EPHA4: variants seen among roughly 807,000 people sequenced by gnomAD.
The protein encoded by EPHA4 is EPH receptor A4.
A neutral mutation model predicts 108.3 loss-of-function variants in EPHA4; 19 were observed. The observed-to-expected ratio is 0.18, with a 90% CI of 0.12 to 0.26. The LOEUF is 0.26. EPHA4 is among the 10% of genes least tolerant of loss of function. EPHA4 has a pLI of 1.00. For missense variants in EPHA4, 917 were observed against 1,254.0 expected (o/e 0.73, Z 4.06); for synonymous variants, 449 against 455.5 (o/e 0.99, Z 0.18).
At chr2:221,555,987 T>A (rs944238455) in intron 3 of EPHA4, among the ~76,000 whole-genome samples, 2 of 152,224 alleles carry the variant, frequency 1.3e-5, no homozygotes, top group African/African-American at 4.8e-5. Context: ...AAGTGCAGTC[T>A]GTGTTACCTT....
At chr2:221,472,444 C>G (rs1691517466) in intron 5 of EPHA4, among the ~76,000 whole-genome samples, 1 of 151,990 alleles carries the variant, frequency 6.6e-6, no homozygotes, top group African/African-American at 2.4e-5. Flanking sequence ...GGATCTTACC[C>G]AAGCTTGGAA....
chr2:221,534,879 A>C (rs1693619788), intron 3 of EPHA4, among the ~76,000 whole-genome samples: 1 of 152,204 alleles, frequency 6.6e-6, no homozygotes, highest in African/African-American at 2.4e-5. Flanking sequence ...GAGCATCTAC[A>C]TGATTTAACT....
chr2:221,436,748 C>A (rs1226898052), intron 12 of EPHA4, 140 bp from the exon 13 acceptor site: 10 of 911,142 alleles, frequency 1.1e-5, no homozygotes, highest in Non-Finnish European at 1.5e-5. Context: ...GCCTTTCTGA[C>A]CAAAGTCGCT....
At chr2:221,556,552 C>T (rs1694307104) in intron 3 of EPHA4, among the ~76,000 whole-genome samples, 1 of 151,258 alleles carries the variant, frequency 6.6e-6, no homozygotes, top group African/African-American at 2.4e-5. Flanking sequence ...CCACCTGCCT[C>T]AGCCTCCCAA....
At chr2:221,504,419 G>C (rs188797389) in intron 3 of EPHA4, among the ~76,000 whole-genome samples, 221 of 152,204 alleles carry the variant, frequency 1.5e-3, no homozygotes, top group Non-Finnish European at 2.7e-3. Flanking sequence ...CCATAACAAA[G>C]TCGAATTTTA....
intron 13 of EPHA4, among the ~76,000 whole-genome samples, chr2:221,435,027 G>A (rs1690187356): frequency 6.6e-6 from 1 of 152,130 alleles, no homozygotes; most frequent in Admixed American, 6.5e-5. Flanking sequence ...TTTCAGTCAG[G>A]TTTTCAATGT....
At chr2:221,566,228 TG>T (rs1237346625) in intron 2 of EPHA4, among the ~76,000 whole-genome samples, 8 of 152,134 alleles carry the variant, frequency 5.3e-5, no homozygotes, top group East Asian at 1.9e-4. Flanking sequence ...CAAATCAAGT[TG>T]TTTTTTTTTC....
chr2:221,553,272 A>T (rs1574655200), intron 3 of EPHA4, among the ~76,000 whole-genome samples: 1 of 152,260 alleles, frequency 6.6e-6, no homozygotes, highest in African/African-American at 2.4e-5. Context: ...GGGGATAGTT[A>T]GTTGCGAACG....
At chr2:221,439,491 CT>C (rs1175226553) in intron 11 of EPHA4, among the ~76,000 whole-genome samples, 291 of 143,288 alleles carry the variant, frequency 2.0e-3, no homozygotes, top group Middle Eastern at 3.6e-3. Flanking sequence ...CTTTTCTTTT[CT>C]TTTTTTTTTT....
chr2:221,485,159 A>C (rs1221475667), intron 4 of EPHA4, among the ~76,000 whole-genome samples: 3 of 152,210 alleles, frequency 2.0e-5, no homozygotes, highest in African/African-American at 7.2e-5. Context: ...TGAATCAAGC[A>C]CCACAGAAGC....
rs1300672953 is a variant in EPHA4 at position 221,499,744 on chromosome 2, ATATATATATATATTTTTTTTT to A, written c.979+1252_979+1272del. 7.1e-3 allele frequency among the ~76,000 whole-genome samples: 401 copies of A among 56,366 alleles called. 10 individuals carry two copies. The highest frequency in any genetic ancestry group is 0.036 in the African/African-American group (377 of 10,544). 37.0% of individuals were successfully genotyped at this position (56,366 alleles called of 152,430 possible). A position where few individuals can be genotyped will look rare whatever the true frequency, so the allele number is the denominator to read the frequency against. On this transcript the variant is annotated intron_variant, in intron 4 of 17. Coordinates refer to ENST00000281821, the MANE Select transcript of EPHA4 (RefSeq NM_004438.5). ...TATATATATATATATATATATATAT[ATATATATATATATTTTTTTTT>A]TTTTTTTTTGAGACAGAGTTTTGCT...
chr2:221,489,904 A>T (rs1442688671), intron 4 of EPHA4, among the ~76,000 whole-genome samples: 2 of 152,158 alleles, frequency 1.3e-5, no homozygotes, highest in East Asian at 3.9e-4. Flanking sequence ...GAACTTTGGG[A>T]GGCCATGGTA....
At chr2:221,459,288 GCACA>G (rs762674416) in intron 5 of EPHA4, among the ~76,000 whole-genome samples, 8 of 140,044 alleles carry the variant, frequency 5.7e-5, no homozygotes, top group African/African-American at 1.8e-4. Context: ...GGTAACAGGC[GCACA>G]CACACACACA....
At chr2:221,447,532 G>A (rs1029303618) in intron 8 of EPHA4, among the ~76,000 whole-genome samples, 8 of 152,120 alleles carry the variant, frequency 5.3e-5, no homozygotes, top group Non-Finnish European at 2.9e-5. Context: ...TCTCCTAATT[G>A]TCAGCAGCGC....
intron 3 of EPHA4, among the ~76,000 whole-genome samples, chr2:221,519,917 G>T (rs977400656): frequency 6.6e-6 from 1 of 151,568 alleles, no homozygotes; most frequent in Non-Finnish European, 1.5e-5. Flanking sequence ...TCCTAGCCTC[G>T]CCCTTTCTCT....
intron 3 of EPHA4, among the ~76,000 whole-genome samples, chr2:221,526,313 A>G (rs561563441): frequency 3.9e-5 from 6 of 152,304 alleles, no homozygotes; most frequent in African/African-American, 1.4e-4. Flanking sequence ...TAAGCTACGG[A>G]AACTGGGGCA....
intron 3 of EPHA4, among the ~76,000 whole-genome samples, chr2:221,556,083 C>A: frequency 6.6e-6 from 1 of 152,144 alleles, no homozygotes; most frequent in East Asian, 1.9e-4. Context: ...ATTTTATACT[C>A]TCAAAAATTA....
intron 4 of EPHA4, among the ~76,000 whole-genome samples, chr2:221,499,648 T>C (rs1244861565): frequency 1.4e-5 from 2 of 143,830 alleles, no homozygotes; most frequent in Non-Finnish European, 3.0e-5. Context: ...TAGCTCCAGA[T>C]TGGCCAAAAT....
In EPHA4 at chr2:221,443,858, A is replaced by T. The variant is rs552769132; in HGVS notation, c.1775-252T>A. ...ACTTCAAGGACAAGATTTTTAAAACAACCCATCCCATGGAGGAAATTTGAA... is the reference window on the plus strand; with the variant it reads ...ACTTCAAGGACAAGATTTTTAAAACTACCCATCCCATGGAGGAAATTTGAA... On this transcript the variant is annotated intron_variant, in intron 9 of 17. Coordinates refer to ENST00000281821, the MANE Select transcript of EPHA4 (RefSeq NM_004438.5). Among the ~76,000 whole-genome samples, 10 of 152,320 alleles carry T rather than the reference A, an allele frequency of 6.6e-5. No individual in the cohort carries two copies. The East Asian group carries it at 1.9e-3, about 29-fold the overall frequency.
Sources: gnomAD v4.1 joint callset for allele counts (sites outside exome capture counted in the v4.1 genomes callset) on GRCh38, gnomAD v4.1.1 for gene constraint, MANE v1.5 for transcripts, NCBI Gene and HGNC (gene_info 2026-07-23, HGNC 2026-07-21) for gene names.